The following PRELID2 variants were observed in gnomAD, a reference collection of about 807,000 sequenced individuals.
PRELID2 encodes the protein PRELI domain containing 2, also known as PRELI domain-containing protein 2.
In PRELID2, 25 loss-of-function variants were observed where a neutral mutation model predicts 28.4. The observed-to-expected ratio is 0.88, with a 90% CI of 0.64 to 1.23. PRELID2 has a LOEUF of 1.23. Among genes scored for constraint, PRELID2 ranks in the 50% most tolerant of loss-of-function variants. The pLI is 0.00. For synonymous variants in PRELID2, 76 were observed against 71.6 expected (o/e 1.06, Z -0.31); for missense variants, 201 against 214.4 (o/e 0.94, Z 0.39).
intron 1 of PRELID2, among the ~76,000 whole-genome samples, chr5:145,713,955 A>G (rs927390528): frequency 6.6e-6 from 1 of 151,782 alleles, no homozygotes; most frequent in Non-Finnish European, 1.5e-5. Flanking sequence ...TCAAATATGC[A>G]TGGGGAATAA....
At chr5:145,355,340 T>A in the PRELID2 span, among the ~76,000 whole-genome samples, 1 of 152,134 alleles carries the variant, frequency 6.6e-6, no homozygotes, top group Non-Finnish European at 1.5e-5. Flanking sequence ...ATGTAAATAT[T>A]AAAGGTTAAA....
chr5:145,357,441 ATTG>A, the PRELID2 span, among the ~76,000 whole-genome samples: 23 of 151,970 alleles, frequency 1.5e-4, no homozygotes, highest in Non-Finnish European at 3.1e-4. Context: ...ATTCTTCTTT[ATTG>A]TTTTTTCTTT....
At chr5:145,400,278 A>G in the PRELID2 span, among the ~76,000 whole-genome samples, 9 of 152,062 alleles carry the variant, frequency 5.9e-5, no homozygotes, top group Admixed American at 3.3e-4. Flanking sequence ...TTTTTCTCCC[A>G]TCCAGACCTC....
At chr5:145,790,865 A>C (rs1752337139) in intron 5 of PRELID2, among the ~76,000 whole-genome samples, 1 of 142,322 alleles carries the variant, frequency 7.0e-6, no homozygotes, top group Non-Finnish European at 1.5e-5. Flanking sequence ...TTAAACATAT[A>C]ATTAATCCAG....
At chr5:145,310,326 T>C in the PRELID2 span, among the ~76,000 whole-genome samples, 1 of 152,206 alleles carries the variant, frequency 6.6e-6, no homozygotes, top group East Asian at 1.9e-4. Context: ...TTTCGATTTT[T>C]CCTTACAATA....
intron 2 of PRELID2, among the ~76,000 whole-genome samples, chr5:145,472,806 C>T (rs1446128460): frequency 2.0e-5 from 3 of 152,100 alleles, no homozygotes; most frequent in African/African-American, 7.2e-5. Context: ...CAAAAACACT[C>T]AAGGATCTTT....
chr5:145,816,210 A>G (rs1274902185), intron 4 of PRELID2, among the ~76,000 whole-genome samples: 3 of 149,488 alleles, frequency 2.0e-5, no homozygotes, highest in Non-Finnish European at 4.4e-5. Flanking sequence ...AGCCACCCAT[A>G]TAGTTGAAAC....
At chr5:145,695,348 T>C (rs146938973) in intron 1 of PRELID2, among the ~76,000 whole-genome samples, 69 of 152,304 alleles carry the variant, frequency 4.5e-4, no homozygotes, top group Middle Eastern at 3.4e-3. Context: ...GCTTGGTGCA[T>C]TCAAAGCCCT....
chr5:145,415,468 C>A, the PRELID2 span, among the ~76,000 whole-genome samples: 5 of 130,584 alleles, frequency 3.8e-5, no homozygotes, highest in South Asian at 1.3e-3. Context: ...GTGTGATGTT[C>A]CCCTTCCTGT....
chr5:145,234,544 T>C, the PRELID2 span, among the ~76,000 whole-genome samples: 1 of 152,066 alleles, frequency 6.6e-6, no homozygotes, highest in Non-Finnish European at 1.5e-5. Flanking sequence ...CATGTCTGCT[T>C]TGGTCAGAGT....
chr5:145,449,833 G>A, the PRELID2 span, among the ~76,000 whole-genome samples: 4 of 152,096 alleles, frequency 2.6e-5, no homozygotes, highest in Non-Finnish European at 4.4e-5. Context: ...AACTTCCTGA[G>A]GGTAAGGACT....
chr5:145,702,287 A>C lies in PRELID2; in HGVS notation n.70+62644T>G, dbSNP rs145049773. Among the ~76,000 whole-genome samples the C allele has an allele frequency of 4.7e-3, 713 of 152,258 alleles. 2 individuals carry two copies. Among genetic ancestry groups the C allele is most frequent in the Non-Finnish European group, 6.9e-3 (472 of 68,014 alleles). On this transcript the variant is annotated intron_variant and non_coding_transcript_variant, in intron 1 of 2. Coordinates refer to the PRELID2 transcript ENST00000510259. ...ACTACTTTGCACAAAACAGCCCTTC[A>C]AATCTAGTCATCACACAGACCACTC...
chr5:145,734,518 G>A (rs1345280838), intron 1 of PRELID2, among the ~76,000 whole-genome samples: 3 of 152,170 alleles, frequency 2.0e-5, no homozygotes, highest in Non-Finnish European at 1.5e-5. Flanking sequence ...CTCAACTTTT[G>A]AGACCAAAAG....
intron 1 of PRELID2, among the ~76,000 whole-genome samples, chr5:145,750,715 A>T (rs1757102304): frequency 6.6e-6 from 1 of 152,248 alleles, no homozygotes; most frequent in Admixed American, 6.5e-5. Context: ...GGCAACTGCC[A>T]TACAATTCCC....
chr5:145,526,401 G>A (rs1011236501), intron 1 of PRELID2, among the ~76,000 whole-genome samples: 16 of 152,204 alleles, frequency 1.1e-4, no homozygotes, highest in African/African-American at 3.6e-4. Flanking sequence ...AGGTGTCATC[G>A]GGGTCTGGAA....
intron 1 of PRELID2, among the ~76,000 whole-genome samples, chr5:145,695,685 G>T (rs570452902): frequency 6.6e-6 from 1 of 152,280 alleles, no homozygotes; most frequent in African/African-American, 2.4e-5. Flanking sequence ...CGTTTACACA[G>T]CTGGGGGCAC....
intron 5 of PRELID2, among the ~76,000 whole-genome samples, chr5:145,787,441 G>A (rs750204744): frequency 4.6e-5 from 7 of 152,098 alleles, no homozygotes; most frequent in Non-Finnish European, 1.0e-4. Context: ...CACTTCACAC[G>A]GAAGATGTCA....
At chr5:145,747,989 G>T (rs1173089187) in intron 1 of PRELID2, among the ~76,000 whole-genome samples, 1 of 151,168 alleles carries the variant, frequency 6.6e-6, no homozygotes, top group African/African-American at 2.5e-5. Flanking sequence ...CAATAAACTA[G>T]GTATTGATGG....
chr5:145,325,353 C>T, the PRELID2 span, among the ~76,000 whole-genome samples: 1 of 152,142 alleles, frequency 6.6e-6, no homozygotes, highest in African/African-American at 2.4e-5. Context: ...CTACAACATC[C>T]TCCCTCTCTT....
Sources: allele counts gnomAD v4.1 joint callset (sites outside exome capture counted in the v4.1 genomes callset), GRCh38; gene constraint gnomAD v4.1.1; transcripts MANE v1.5; gene names NCBI Gene and HGNC (gene_info 2026-07-23, HGNC 2026-07-21).